Variants in RBFOX1 observed in about 807,000 individuals in gnomAD.
RBFOX1 encodes RNA binding protein fox-1 homolog 1.
Under a neutral mutation model 57.7 loss-of-function variants are expected in RBFOX1, and 8 were observed. The observed-to-expected ratio is 0.14, with a 90% CI of 0.08 to 0.25. The LOEUF (loss-of-function observed/expected upper bound fraction) is 0.25, where lower values mean the gene tolerates loss of function less well. Ranked by LOEUF, RBFOX1 falls within the 10% of genes least tolerant of loss-of-function variation. The pLI is 1.00. For missense variants in RBFOX1, 611 were observed against 548.5 expected, an observed-to-expected ratio of 1.11 and a Z score of -1.14; for synonymous variants, 326 against 222.4, an observed-to-expected ratio of 1.47 and a Z score of -4.15.
At chr16:5,701,763 C>A (rs555710591) in intron 3 of RBFOX1, among the ~76,000 whole-genome samples, 2 of 152,250 alleles carry the variant, frequency 1.3e-5, no homozygotes, top group South Asian at 2.1e-4. Flanking sequence ...GACCATCTTA[C>A]CAGAGGCATT....
intron 3 of RBFOX1, among the ~76,000 whole-genome samples, chr16:5,664,576 C>T (rs1358930345): frequency 2.0e-5 from 3 of 152,052 alleles, no homozygotes; most frequent in South Asian, 2.1e-4. Context: ...TGTTCCTGCT[C>T]CCAGAGTTTC....
intron 2 of RBFOX1, among the ~76,000 whole-genome samples, chr16:6,416,562 A>G (rs751713784): frequency 6.6e-6 from 1 of 152,154 alleles, no homozygotes; most frequent in Non-Finnish European, 1.5e-5. Flanking sequence ...GAAACAGATA[A>G]GAAAGAGTGG....
chr16:6,214,900 G>A (rs574602218), intron 1 of RBFOX1, among the ~76,000 whole-genome samples: 6 of 125,030 alleles, frequency 4.8e-5, no homozygotes, highest in Admixed American at 7.8e-5. Context: ...GAGTGGGACC[G>A]GGAGAGAAGG....
chr16:5,929,716 A>T (rs2059009583), intron 4 of RBFOX1, among the ~76,000 whole-genome samples: 1 of 151,970 alleles, frequency 6.6e-6, no homozygotes, highest in South Asian at 2.1e-4. Flanking sequence ...TGTTTTTTTT[A>T]TGTTAAAATG....
intron 4 of RBFOX1, among the ~76,000 whole-genome samples, chr16:5,990,851 G>T (rs2060380471): frequency 6.6e-6 from 1 of 152,154 alleles, no homozygotes; most frequent in Non-Finnish European, 1.5e-5. Context: ...GTGCACGCCT[G>T]TAGTCCCATC....
chr16:7,332,971 C>T (rs2096718887), intron 4 of RBFOX1: 3 of 1,612,976 alleles, frequency 1.9e-6, no homozygotes, highest in South Asian at 1.1e-5. Context: ...ATGTGTTGAG[C>T]TTCAGAGGGA....
chr16:6,536,990 C>G (rs1394627227), intron 2 of RBFOX1, among the ~76,000 whole-genome samples: 2 of 152,156 alleles, frequency 1.3e-5, no homozygotes, highest in African/African-American at 4.8e-5. Context: ...TATCCATTGT[C>G]TTTTCTGGGG....
intron 3 of RBFOX1, among the ~76,000 whole-genome samples, chr16:6,805,594 A>T (rs966019855): frequency 6.6e-6 from 1 of 152,126 alleles, no homozygotes; most frequent in Admixed American, 6.5e-5. Flanking sequence ...AGATCATCAG[A>T]CAATGAAGAG....
chr16:6,414,688 A>G (rs1474409704), intron 2 of RBFOX1, among the ~76,000 whole-genome samples: 1 of 152,152 alleles, frequency 6.6e-6, no homozygotes, highest in East Asian at 1.9e-4. Context: ...TGTGCCAGTC[A>G]TTGTCACCGG....
chr16:6,335,176 T>G (rs2083479140), intron 2 of RBFOX1, among the ~76,000 whole-genome samples: 1 of 152,236 alleles, frequency 6.6e-6, no homozygotes, highest in African/African-American at 2.4e-5. Flanking sequence ...ACACTCACAC[T>G]GGAATGTGTG....
intron 13 of RBFOX1, among the ~76,000 whole-genome samples, chr16:7,675,851 A>G (rs189326877): frequency 6.6e-6 from 1 of 152,256 alleles, no homozygotes; most frequent in African/African-American, 2.4e-5. Flanking sequence ...ATCAGCGGAC[A>G]CTGGATCCTG....
intron 3 of RBFOX1, among the ~76,000 whole-genome samples, chr16:5,827,293 G>C (rs2056093915): frequency 6.6e-6 from 1 of 151,688 alleles, no homozygotes; most frequent in Non-Finnish European, 1.5e-5. Context: ...CCAGCTACTA[G>C]GGAGGCTGAG....
chr16:6,019,281 G>A lies in RBFOX1; in HGVS notation c.-838G>A. On this transcript the variant is annotated 5_prime_UTR_variant, in exon 1 of 16. Coordinates refer to ENST00000550418, the MANE Select transcript of RBFOX1 (RefSeq NM_018723.4). This position sits in a 1 kb window ranked among gnomAD's most constrained non-coding sequence, Gnocchi z 4.2. ...CCCAGCCCCCTTCCTGGTCTCCCGA[G>A]CGCGGGGTTTGAAGGTCACCTCCTT... 1.0e-6 allele frequency: 1 copy of A among 985,000 alleles called. No individual in the cohort carries two copies. Among genetic ancestry groups the A allele is most frequent in the Non-Finnish European group, 1.2e-6 (1 of 829,978 alleles). The allele number at this position is 985,000 out of a possible 1,614,324, so 61.0% of individuals were successfully genotyped here. A position where few individuals can be genotyped will look rare whatever the true frequency, so the allele number is the denominator to read the frequency against.
chr16:7,127,543 ATG>A (rs2068930586), intron 4 of RBFOX1, among the ~76,000 whole-genome samples: 1 of 152,180 alleles, frequency 6.6e-6, no homozygotes, highest in African/African-American at 2.4e-5. Context: ...TGTGTACTGT[ATG>A]TGTATGCACG....
chr16:5,573,469 C>A (rs1357536938), intron 2 of RBFOX1, among the ~76,000 whole-genome samples: 1 of 152,184 alleles, frequency 6.6e-6, no homozygotes, highest in Admixed American at 6.5e-5. Context: ...GAGGCAGAGC[C>A]TGAGACATTG....
intron 4 of RBFOX1, among the ~76,000 whole-genome samples, chr16:7,252,698 T>A (rs1444271457): frequency 6.6e-6 from 1 of 151,380 alleles, no homozygotes; most frequent in Non-Finnish European, 1.5e-5. Flanking sequence ...TTACATCCTT[T>A]TTTTTTTTTT....
At chr16:6,882,484 C>T (rs1029490155) in intron 3 of RBFOX1, among the ~76,000 whole-genome samples, 10 of 152,112 alleles carry the variant, frequency 6.6e-5, no homozygotes. Context: ...ATCCCAGCTA[C>T]TCCGGAGGGT....
At chr16:5,276,317 A>G (rs2063139126) in intron 1 of RBFOX1, among the ~76,000 whole-genome samples, 1 of 152,186 alleles carries the variant, frequency 6.6e-6, no homozygotes, top group Non-Finnish European at 1.5e-5. Flanking sequence ...ATCTACAGGG[A>G]ACTCTAATCA....
At position 5,477,374 on chromosome 16, in the gene RBFOX1, G is replaced by T. The variant is rs1202424770; in HGVS notation, c.258+10120G>T. Among the ~76,000 whole-genome samples the T allele has an allele frequency of 2.6e-5, 4 of 152,142 alleles. No homozygotes were observed. In the South Asian group the frequency reaches 6.2e-4, roughly 24 times the overall value. On this transcript the variant is annotated intron_variant, in intron 2 of 2. Coordinates refer to the RBFOX1 transcript ENST00000585867. ...TGCTGGGGAAGGAGGTAATGATTTTGATTATGATTATCTCACGACCAATCA... is the reference window on the plus strand; with the variant it reads ...TGCTGGGGAAGGAGGTAATGATTTTTATTATGATTATCTCACGACCAATCA...
Sources: allele counts gnomAD v4.1 joint callset (sites outside exome capture counted in the v4.1 genomes callset), GRCh38; gene constraint gnomAD v4.1.1; non-coding constraint Gnocchi (gnomAD v3.1); transcripts MANE v1.5; gene names NCBI Gene and HGNC (gene_info 2026-07-23, HGNC 2026-07-21).